SPIRE2: variants seen among roughly 807,000 people sequenced by gnomAD.
SPIRE2 encodes the protein spire type actin nucleation factor 2, also known as protein spire homolog 2.
A neutral mutation model predicts 80.7 loss-of-function variants in SPIRE2; 76 were observed. The observed-to-expected ratio is 0.94, with a 90% CI of 0.78 to 1.14. The LOEUF (loss-of-function observed/expected upper bound fraction) is 1.14. SPIRE2 is among the 50% of genes most tolerant of loss of function. The pLI, the probability that SPIRE2 is intolerant of heterozygous loss-of-function variation, is 0.00. For synonymous variants in SPIRE2, 535 were observed against 432.6 expected, an observed-to-expected ratio of 1.24 and a Z score of -2.94; for missense variants, 1,196 against 1,015.3, an observed-to-expected ratio of 1.18 and a Z score of -2.42.
chr16:89,850,334 C>T lies in SPIRE2; in HGVS notation c.319C>T (p.Arg107Cys), dbSNP rs779522111. ...TVQSLGFAIYRALDWGLDESE... is the reference protein window; with the variant it reads ...TVQSLGFAIYCALDWGLDESE... ...GCAGTCCCTCGGCTTCGCCATCTACCGCGCGCTGGACTGGGGGCTGGACGA... is the reference window on the plus strand; with the variant it reads ...GCAGTCCCTCGGCTTCGCCATCTACTGCGCGCTGGACTGGGGGCTGGACGA... The change falls in exon 3 of 15, where the codon CGC (arginine) becomes TGC (cysteine). Residue 107 changes from arginine to cysteine, a missense_variant. Coordinates refer to ENST00000378247, the MANE Select transcript of SPIRE2 (RefSeq NM_032451.2). The T allele has an allele frequency of 1.0e-5, 16 of 1,601,282 alleles. 1 individual carries two copies. In the Admixed American group the frequency reaches 2.0e-4, roughly 20 times the overall value.
chr16:89,858,319 T>C lies in SPIRE2; in HGVS notation c.1103-19T>C. The C allele has an allele frequency of 6.4e-7, 1 of 1,565,716 alleles. No homozygotes were observed. Among genetic ancestry groups the C allele is most frequent in the Non-Finnish European group, 8.7e-7 (1 of 1,154,698 alleles). The stretch of plus-strand genomic sequence containing the variant: ...TCCCCGTTCACTGGCCCGTCCTGCC[T>C]CGGCTCCCGTCTCCCCAGGGTTTGG... On this transcript the variant is annotated intron_variant, in intron 7 of 14. Transcript: ENST00000378247.
intron 10 of SPIRE2, chr16:89,862,446 G>C (rs12446215): frequency 0.17 from 25,197 of 152,278 alleles, 3,133 homozygotes; most frequent in East Asian, 0.63. Context: ...CTTTCTGAAG[G>C]GGGGCTACTG....
At chr16:89,851,576 A>C (rs1164517175) in intron 3 of SPIRE2, among the ~76,000 whole-genome samples, 1 of 152,062 alleles carries the variant, frequency 6.6e-6, no homozygotes, top group Admixed American at 6.6e-5. Context: ...CCCAAGCCGG[A>C]GCTCTCCCCT....
At chr16:89,843,591 G>A (rs919070506) in intron 1 of SPIRE2, among the ~76,000 whole-genome samples, 2 of 147,388 alleles carry the variant, frequency 1.4e-5, no homozygotes, top group Non-Finnish European at 3.0e-5. Context: ...CCAGGCAGGT[G>A]GTGTGTCTCA....
intron 1 of SPIRE2, among the ~76,000 whole-genome samples, chr16:89,840,830 G>A (rs564634702): frequency 6.6e-6 from 1 of 150,410 alleles, no homozygotes; most frequent in East Asian, 2.0e-4. Context: ...GTAGAGACGG[G>A]GTTTCACCGT....
At chr16:89,853,511 C>T (rs2041657129) in intron 3 of SPIRE2, among the ~76,000 whole-genome samples, 1 of 152,136 alleles carries the variant, frequency 6.6e-6, no homozygotes, top group African/African-American at 2.4e-5. Context: ...GTGCCCTTTG[C>T]CCTGGGCTGG....
chr16:89,865,269 G>C (rs951839054), intron 12 of SPIRE2, among the ~76,000 whole-genome samples: 37 of 152,264 alleles, frequency 2.4e-4, no homozygotes, highest in African/African-American at 8.9e-4. Flanking sequence ...GCCTCCCAAA[G>C]TGTTGGGATT....
chr16:89,837,135 C>T lies in SPIRE2; in HGVS notation c.245-8187C>T, dbSNP rs1179377916. 5.9e-5 allele frequency among the ~76,000 whole-genome samples: 9 copies of T among 152,144 alleles called. No homozygotes were observed. In the East Asian group the frequency reaches 9.6e-4, roughly 16 times the overall value. On this transcript the variant is annotated intron_variant, in intron 1 of 14. Transcript: ENST00000378247. ...CAGGTCTTCTCCCTCGAGCAGGACT[C>T]GAGGCTCCGTTGTCAGGCCTGTTAA...
intron 1 of SPIRE2, among the ~76,000 whole-genome samples, chr16:89,831,175 C>T (rs1245028683): frequency 6.6e-6 from 1 of 150,422 alleles, no homozygotes; most frequent in Admixed American, 6.6e-5. Context: ...TTCCAAAGTG[C>T]TGGGATTACA....
chr16:89,854,836 T>C (rs1475735452), intron 5 of SPIRE2, among the ~76,000 whole-genome samples, 185 bp downstream of exon 5: 13 of 152,156 alleles, frequency 8.5e-5, no homozygotes, highest in African/African-American at 3.1e-4. Flanking sequence ...TTCCCACAGC[T>C]TGATATCACT....
intron 3 of SPIRE2, among the ~76,000 whole-genome samples, chr16:89,851,634 C>T (rs2041628943): frequency 6.6e-6 from 1 of 152,254 alleles, no homozygotes; most frequent in South Asian, 2.1e-4. Context: ...AACCATCCCT[C>T]TCTGACTCTC....
intron 1 of SPIRE2, among the ~76,000 whole-genome samples, chr16:89,829,633 C>G (rs1451169092): frequency 1.3e-5 from 2 of 152,160 alleles, no homozygotes; most frequent in Non-Finnish European, 2.9e-5. Context: ...CAGAAGCAAG[C>G]TACAGAGCCA....
chr16:89,869,031 TAAA>T lies in SPIRE2; in HGVS notation c.1807-515_1807-513del, dbSNP rs766356633. On this transcript the variant is annotated intron_variant, in intron 13 of 14. Coordinates refer to ENST00000378247, the MANE Select transcript of SPIRE2 (RefSeq NM_032451.2). ...GGGCAATAGAGCAAGATCTGTGTCT[TAAA>T]AAAAAAAAAAAAAAAAAAAATATAT... Among the ~76,000 whole-genome samples the T allele has an allele frequency of 7.5e-4, 18 of 23,948 alleles. 2 individuals carry two copies. The highest frequency in any genetic ancestry group is 7.6e-3 in the East Asian group (1 of 132). 15.7% of individuals were successfully genotyped at this position (23,948 alleles called of 152,430 possible).
At chr16:89,842,981 C>T (rs2041518553) in intron 1 of SPIRE2, among the ~76,000 whole-genome samples, 2 of 152,246 alleles carry the variant, frequency 1.3e-5, no homozygotes, top group South Asian at 4.1e-4. Flanking sequence ...GTTAGCAGGT[C>T]CACTGAGCAG....
chr16:89,832,964 G>A (rs2041400999), intron 1 of SPIRE2, among the ~76,000 whole-genome samples: 1 of 149,678 alleles, frequency 6.7e-6, no homozygotes, highest in Non-Finnish European at 1.5e-5. Context: ...TGGGATTACA[G>A]GTGCCTGCCA....
chr16:89,849,407 C>A (rs1053760660), intron 2 of SPIRE2, among the ~76,000 whole-genome samples: 4 of 152,086 alleles, frequency 2.6e-5, no homozygotes, highest in African/African-American at 9.7e-5. Flanking sequence ...GAGGTTGGTA[C>A]GTGATGTGCA....
At chr16:89,846,402 A>C (rs1316991019) in intron 2 of SPIRE2, 1 of 151,290 alleles carries the variant, frequency 6.6e-6, no homozygotes, top group South Asian at 2.1e-4. Context: ...GCTCACTGCA[A>C]CCTCGGCTAG....
At chr16:89,858,940 G>A (rs540373811) in intron 8 of SPIRE2, among the ~76,000 whole-genome samples, 1 of 152,196 alleles carries the variant, frequency 6.6e-6, no homozygotes. Context: ...CTCTGCCTCC[G>A]TCTGACACTA....
chr16:89,869,621 G>C lies in SPIRE2; in HGVS notation c.1861G>C (p.Glu621Gln). The C allele has an allele frequency of 3.7e-6, 6 of 1,614,176 alleles. No homozygotes were observed. The highest frequency in any genetic ancestry group is 5.1e-6 in the Non-Finnish European group (6 of 1,180,034). ...CATCCCTGTCTACACACTGGGCTTTGAGAGTCCTCAGAGGGTATCAGCTGC... is the reference window on the plus strand; with the variant it reads ...CATCCCTGTCTACACACTGGGCTTTCAGAGTCCTCAGAGGGTATCAGCTGC... ...GHIPVYTLGF[E>Q]SPQRVSAAKT... Residue 621 changes from glutamate to glutamine, a missense_variant, in exon 14 of 15, where the codon GAG becomes CAG. By Grantham distance (29) the Glu-to-Gln change is conservative. Transcript: ENST00000378247.
Sources: allele counts gnomAD v4.1 joint callset (sites outside exome capture counted in the v4.1 genomes callset), GRCh38; gene constraint gnomAD v4.1.1; transcripts MANE v1.5; gene names NCBI Gene and HGNC (gene_info 2026-07-23, HGNC 2026-07-21).